Variants in KAZN observed in about 807,000 individuals in gnomAD.
KAZN encodes the protein kazrin, periplakin interacting protein, also known as kazrin.
Under a neutral mutation model 87.4 loss-of-function variants are expected in KAZN, and 40 were observed. That is an observed-to-expected ratio of 0.46 (90% CI 0.36 to 0.60). The LOEUF (loss-of-function observed/expected upper bound fraction) is 0.60. Ranked by LOEUF, KAZN falls within the 20% of genes least tolerant of loss-of-function variation. The probability of loss-of-function intolerance (pLI) is 0.00; values close to 1 mark genes in which losing one functional copy is unlikely to be tolerated. For missense variants in KAZN, 898 were observed against 1,073.9 expected (o/e 0.84, Z 2.29); for synonymous variants, 466 against 458.3 (o/e 1.02, Z -0.22).
rs970300970 is a variant in KAZN, at chr1:15,034,669, G to A, written c.419-80G>A. ...TCTCACCTGTTACAAAGGTGACGGC[G>A]GTGATGCCACTTCTCAGCACTCAGG... On this transcript the variant is annotated intron_variant, in intron 2 of 14. Coordinates refer to ENST00000376030, the MANE Select transcript of KAZN (RefSeq NM_201628.3). 4.6e-5 allele frequency: 70 copies of A among 1,529,226 alleles called. No individual in the cohort carries two copies. In the Admixed American group the frequency reaches 6.3e-4, roughly 14 times the overall value. The allele number at this position is 1,529,226 out of a possible 1,614,324, so 94.7% of individuals were successfully genotyped here.
chr1:14,939,436 A>C (rs1030481773), intron 1 of KAZN, among the ~76,000 whole-genome samples: 5 of 150,964 alleles, frequency 3.3e-5, no homozygotes, highest in African/African-American at 1.2e-4. Context: ...TGCCTGGCTA[A>C]TTTTTAAAAC....
chr1:14,705,437 C>A (rs1642159898), intron 1 of KAZN, among the ~76,000 whole-genome samples: 1 of 152,122 alleles, frequency 6.6e-6, no homozygotes, highest in African/African-American at 2.4e-5. Flanking sequence ...GGACATTGAT[C>A]CAAAGGAAAG....
rs76844466 is a variant in KAZN at position 14,712,688 on chromosome 1, C to T, written c.226+113465C>T. On this transcript the variant is annotated intron_variant, in intron 1 of 14. Transcript: ENST00000376030. ...AGTTGCTAAATCATCTATTATTACC[C>T]GAAAAACCAAAGCTGAGCCTCCACA... 3.2e-3 allele frequency among the ~76,000 whole-genome samples: 489 copies of T among 152,180 alleles called. 2 individuals carry two copies. The highest frequency in any genetic ancestry group is 0.011 in the African/African-American group (465 of 41,528).
chr1:14,173,681 TGAG>T (rs1196661461), intron 1 of KAZN, among the ~76,000 whole-genome samples: 37 of 137,004 alleles, frequency 2.7e-4, no homozygotes, highest in African/African-American at 9.4e-4. Context: ...CCGCCCAACT[TGAG>T]GAGCCTATCT....
intron 2 of KAZN, among the ~76,000 whole-genome samples, chr1:14,494,870 T>C (rs1285104057): frequency 5.9e-5 from 9 of 152,136 alleles, no homozygotes. Flanking sequence ...TGCTCTCTGG[T>C]CATTGGGAGA....
chr1:14,628,237 C>T (rs747868595), intron 1 of KAZN, among the ~76,000 whole-genome samples: 3 of 152,148 alleles, frequency 2.0e-5, no homozygotes, highest in Admixed American at 2.0e-4. Flanking sequence ...TTTGAAAGGA[C>T]GACCTTTTGT....
intron 2 of KAZN, among the ~76,000 whole-genome samples, chr1:14,499,357 C>G (rs1042134627): frequency 6.6e-6 from 1 of 152,208 alleles, no homozygotes; most frequent in Non-Finnish European, 1.5e-5. Context: ...GCTCACTTCT[C>G]TCCCCCACCC....
chr1:14,537,259 A>C, intron 2 of KAZN, among the ~76,000 whole-genome samples: 1 of 152,192 alleles, frequency 6.6e-6, no homozygotes, highest in East Asian at 1.9e-4. Context: ...TGCTGAACCC[A>C]TGCAGGCTAC....
intron 2 of KAZN, among the ~76,000 whole-genome samples, chr1:14,308,403 CAA>C (rs1333979691): frequency 1.3e-5 from 2 of 152,050 alleles, no homozygotes; most frequent in African/African-American, 2.4e-5. Context: ...GTCAGGAAAA[CAA>C]AATATGCATA....
chr1:15,038,590 A>G (rs1567797), intron 3 of KAZN, among the ~76,000 whole-genome samples: 19,946 of 152,204 alleles, frequency 0.13, 1,690 homozygotes, highest in Admixed American at 0.2. Context: ...CCAATATCCA[A>G]TGTTTATTGT....
At chr1:14,973,195 T>C (rs563988127) in intron 2 of KAZN, among the ~76,000 whole-genome samples, 4 of 152,314 alleles carry the variant, frequency 2.6e-5, no homozygotes, top group African/African-American at 9.6e-5. Context: ...GTTTTAATGT[T>C]ACTAAAATAT....
At chr1:14,290,017 T>G (rs1653556301) in intron 2 of KAZN, among the ~76,000 whole-genome samples, 1 of 152,238 alleles carries the variant, frequency 6.6e-6, no homozygotes, top group Admixed American at 6.5e-5. Flanking sequence ...CACTCTTTTC[T>G]GGCTTGTAGA....
intron 2 of KAZN, among the ~76,000 whole-genome samples, chr1:14,317,863 C>T (rs964686184): frequency 2.0e-5 from 3 of 151,900 alleles, no homozygotes; most frequent in African/African-American, 7.2e-5. Context: ...AGAACCTATC[C>T]ATGACATAAA....
intron 2 of KAZN, among the ~76,000 whole-genome samples, chr1:14,554,446 T>C (rs1283553088): frequency 1.3e-5 from 2 of 152,278 alleles, no homozygotes; most frequent in Middle Eastern, 3.4e-3. Flanking sequence ...CATCATCTTC[T>C]AGGAAATGTG....
chr1:14,537,937 T>G (rs868804), intron 2 of KAZN, among the ~76,000 whole-genome samples: 72,988 of 151,872 alleles, frequency 0.48, 17,753 homozygotes, highest in Admixed American at 0.56. Flanking sequence ...TAATAAATAA[T>G]AAATGGGGGT....
At chr1:14,163,585 G>GA (rs1645758051) in intron 1 of KAZN, among the ~76,000 whole-genome samples, 1 of 152,136 alleles carries the variant, frequency 6.6e-6, no homozygotes, top group East Asian at 1.9e-4. Flanking sequence ...GATCTTATTT[G>GA]AAAACTGCTG....
chr1:14,866,984 T>C (rs1160319032), intron 1 of KAZN, among the ~76,000 whole-genome samples: 1 of 152,216 alleles, frequency 6.6e-6, no homozygotes. Context: ...AAATTTGGAT[T>C]GGAGAAGACA....
At chr1:14,073,853 T>C (rs1391164360) in intron 1 of KAZN, among the ~76,000 whole-genome samples, 2 of 152,212 alleles carry the variant, frequency 1.3e-5, no homozygotes, top group Non-Finnish European at 2.9e-5. Flanking sequence ...AGTGCCGCAA[T>C]AAACATACAT....
chr1:14,821,676 C>G (rs2311337), intron 1 of KAZN, among the ~76,000 whole-genome samples: 45,346 of 151,866 alleles, frequency 0.3, 7,762 homozygotes, highest in African/African-American at 0.46. Flanking sequence ...CTACAAGCCA[C>G]GGAGAGAGGC....
Sources: gnomAD v4.1 joint callset for allele counts (sites outside exome capture counted in the v4.1 genomes callset) on GRCh38, gnomAD v4.1.1 for gene constraint, MANE v1.5 for transcripts, NCBI Gene and HGNC (gene_info 2026-07-23, HGNC 2026-07-21) for gene names.